The following WAC variants were observed in gnomAD, a reference collection of about 807,000 sequenced individuals.
The protein encoded by WAC is WW domain-containing adapter protein with coiled-coil.
In WAC, 11 loss-of-function variants were observed where a neutral mutation model predicts 79.6. The ratio of observed to expected loss-of-function variants is 0.14; its 90% CI spans 0.09 to 0.23. The LOEUF is 0.23. Ranked by LOEUF, WAC falls within the 10% of genes least tolerant of loss-of-function variation. WAC has a pLI of 1.00. For synonymous variants in WAC, 304 were observed against 276.9 expected (o/e 1.10, Z -0.97); for missense variants, 728 against 773.5 (o/e 0.94, Z 0.70).
intron 3 of WAC, among the ~76,000 whole-genome samples, chr10:28,580,661 A>T (rs1839486993): frequency 6.6e-6 from 1 of 152,306 alleles, no homozygotes; most frequent in East Asian, 1.9e-4. Context: ...CTCTGCGAGT[A>T]GTGCATATAT....
chr10:28,584,909 G>T (rs1011039296), intron 4 of WAC, among the ~76,000 whole-genome samples: 1 of 151,912 alleles, frequency 6.6e-6, no homozygotes, highest in Non-Finnish European at 1.5e-5. Flanking sequence ...CTCTACTAAA[G>T]ATACAAAAGT....
intron 7 of WAC, among the ~76,000 whole-genome samples, chr10:28,604,415 G>A (rs972611585): frequency 1.3e-5 from 2 of 151,930 alleles, no homozygotes; most frequent in Non-Finnish European, 2.9e-5. Context: ...GCCGAGTCCT[G>A]TTTTCTACAA....
At chr10:28,612,278 C>G (rs1841277990) in intron 10 of WAC, among the ~76,000 whole-genome samples, 1 of 152,152 alleles carries the variant, frequency 6.6e-6, no homozygotes, top group Non-Finnish European at 1.5e-5. Context: ...ATTTGTATTT[C>G]AAAAATGAGG....
chr10:28,555,340 A>G (rs572015977), intron 3 of WAC, among the ~76,000 whole-genome samples: 1 of 152,344 alleles, frequency 6.6e-6, no homozygotes, highest in Admixed American at 6.5e-5. Flanking sequence ...ACTCAGTCAC[A>G]TGAACATTGT....
chr10:28,553,491 A>T (rs939723432), intron 3 of WAC, among the ~76,000 whole-genome samples: 1 of 152,256 alleles, frequency 6.6e-6, no homozygotes, highest in East Asian at 1.9e-4. Context: ...AATGAATTTC[A>T]TATTTCAGAA....
chr10:28,594,217 T>G (rs952046445), intron 6 of WAC, among the ~76,000 whole-genome samples: 1 of 152,186 alleles, frequency 6.6e-6, no homozygotes, highest in Non-Finnish European at 1.5e-5. Flanking sequence ...TTAATTTTCA[T>G]TGGAGTACAT....
chr10:28,611,171 G>A (rs1841222216), intron 9 of WAC: 1 of 903,360 alleles, frequency 1.1e-6, no homozygotes, highest in Non-Finnish European at 1.5e-6. Context: ...GCATGTATTT[G>A]AAGAGTTGAA....
chr10:28,586,531 A>C (rs915095061), intron 4 of WAC, among the ~76,000 whole-genome samples: 1 of 152,066 alleles, frequency 6.6e-6, no homozygotes, highest in African/African-American at 2.4e-5. Flanking sequence ...AAAAATAAAA[A>C]AATAAATAGC....
chr10:28,606,669 A>G (rs1294072443), intron 7 of WAC, among the ~76,000 whole-genome samples: 1 of 152,220 alleles, frequency 6.6e-6, no homozygotes, highest in South Asian at 2.1e-4. Context: ...TGTATATATG[A>G]TCTTGAAAAT....
At position 28,568,863 on chromosome 10, in the gene WAC, T is replaced by C. The variant is rs183671918; in HGVS notation, c.275-14536T>C. Among the ~76,000 whole-genome samples the C allele has an allele frequency of 7.9e-5, 12 of 152,322 alleles. No homozygotes were observed. In the East Asian group the frequency reaches 2.3e-3, roughly 29 times the overall value. Reference sequence around the variant, plus strand: ...CTGGGATTACAGGCATGAGCCACTGTGCCCGGCCTAAGTTCTTTTTATATG... The same window carrying C: ...CTGGGATTACAGGCATGAGCCACTGCGCCCGGCCTAAGTTCTTTTTATATG... On this transcript the variant is annotated intron_variant, in intron 3 of 13. Transcript: ENST00000354911.
Position 28,535,684 on chromosome 10 carries a change from C to G in WAC, c.201C>G (p.Asn67Lys), listed in dbSNP as rs1836613052. 3.1e-6 allele frequency: 5 copies of G among 1,613,938 alleles called. No individual in the cohort carries two copies. The highest frequency in any genetic ancestry group is 1.1e-5 in the South Asian group (1 of 91,082). Residue 67 changes from asparagine to lysine, a missense_variant, in exon 3 of 14, where the codon AAC becomes AAG. Coordinates refer to ENST00000354911, the MANE Select transcript of WAC (RefSeq NM_016628.5). ...KMLRRSDSPE[N>K]KYSDSTGHSK... Reference sequence around the variant, plus strand: ...TGCGGAGATCTGATAGTCCTGAAAACAAATACAGTGACAGCACAGGTCACA... The same window carrying G: ...TGCGGAGATCTGATAGTCCTGAAAAGAAATACAGTGACAGCACAGGTCACA...
chr10:28,534,455 C>A (rs887741143), intron 2 of WAC: 12 of 168,414 alleles, frequency 7.1e-5, no homozygotes, highest in South Asian at 1.8e-4. Flanking sequence ...AAATGACTTA[C>A]AACTTTCAAG....
intron 8 of WAC, among the ~76,000 whole-genome samples, chr10:28,609,668 A>C (rs1457562822): frequency 6.6e-6 from 1 of 152,042 alleles, no homozygotes; most frequent in African/African-American, 2.4e-5. Flanking sequence ...GGGCCACTTA[A>C]GCCCAGACCA....
At chr10:28,542,007 T>C (rs943796683) in intron 3 of WAC, among the ~76,000 whole-genome samples, 4 of 152,198 alleles carry the variant, frequency 2.6e-5, no homozygotes, top group Non-Finnish European at 4.4e-5. Flanking sequence ...GCAAATCTTA[T>C]AATAGATCCT....
intron 4 of WAC, among the ~76,000 whole-genome samples, chr10:28,587,924 C>CTTT (rs9335800): frequency 1.3e-5 from 2 of 150,294 alleles, no homozygotes; most frequent in African/African-American, 2.4e-5. Flanking sequence ...GTTCAGCTGA[C>CTTT]TTTTTTTTTT....
intron 3 of WAC, among the ~76,000 whole-genome samples, chr10:28,562,891 A>AT (rs985889963): frequency 1.3e-5 from 2 of 151,892 alleles, no homozygotes; most frequent in African/African-American, 2.4e-5. Flanking sequence ...TGAAAAATGT[A>AT]TTTTTTACTA....
At chr10:28,591,027 A>G in intron 6 of WAC, 195 bp downstream of exon 6, 2 of 537,878 alleles carry the variant, frequency 3.7e-6, no homozygotes, top group Non-Finnish European at 6.6e-6. Flanking sequence ...CGAGTAGTAC[A>G]GGTATGTGTT....
chr10:28,543,568 CT>C (rs760902443), intron 3 of WAC, among the ~76,000 whole-genome samples: 2 of 152,186 alleles, frequency 1.3e-5, no homozygotes, highest in African/African-American at 4.8e-5. Flanking sequence ...GCCTGTCTGG[CT>C]TTTACATATA....
rs1490601604 is a variant in WAC at position 28,534,052 on chromosome 10, G to T, written c.78+18G>T. On this transcript the variant is annotated intron_variant, in intron 2 of 13. Transcript: ENST00000354911. ...CTTACCAGGTACCAGCCGAGGCCGG[G>T]GTGGAGGGATTGGAAGGGGCCGGAG... The T allele has an allele frequency of 1.3e-6, 2 of 1,574,152 alleles. No individual in the cohort carries two copies. Among genetic ancestry groups the T allele is most frequent in the Non-Finnish European group, 1.7e-6 (2 of 1,162,548 alleles).
Sources: allele counts gnomAD v4.1 joint callset (sites outside exome capture counted in the v4.1 genomes callset), GRCh38; gene constraint gnomAD v4.1.1; transcripts MANE v1.5; gene names NCBI Gene and HGNC (gene_info 2026-07-23, HGNC 2026-07-21).